Variants in TPD52 observed in about 807,000 individuals in gnomAD.
TPD52 encodes the protein tumor protein D52.
TPD52 carries 17 observed loss-of-function variants against 31.3 expected under a neutral mutation model. The observed-to-expected ratio is 0.54, with a 90% CI of 0.37 to 0.82. TPD52 has a LOEUF of 0.82. Among genes scored for constraint, TPD52 ranks in the 40% least tolerant of loss-of-function variants. The pLI is 0.00. For synonymous variants in TPD52, 83 were observed against 89.6 expected, an observed-to-expected ratio of 0.93 and a Z score of 0.42; for missense variants, 212 against 240.1, an observed-to-expected ratio of 0.88 and a Z score of 0.77.
chr8:80,102,582 A>C (rs1426100521), intron 1 of TPD52, among the ~76,000 whole-genome samples: 1 of 152,178 alleles, frequency 6.6e-6, no homozygotes, highest in East Asian at 1.9e-4. Flanking sequence ...CAAATAGAAA[A>C]GGCCTTTTAG....
At chr8:80,072,881 T>C (rs1814089251) in intron 1 of TPD52, among the ~76,000 whole-genome samples, 1 of 151,588 alleles carries the variant, frequency 6.6e-6, no homozygotes, top group East Asian at 1.9e-4. Context: ...GGCAGGTGGA[T>C]CACTTGAAGC....
chr8:80,142,716 A>G (rs529140840), intron 1 of TPD52, among the ~76,000 whole-genome samples: 3 of 152,286 alleles, frequency 2.0e-5, no homozygotes, highest in Non-Finnish European at 2.9e-5. Context: ...AGAAAGCACA[A>G]TCAGACTGGT....
chr8:80,054,485 A>C (rs900520686), intron 2 of TPD52, among the ~76,000 whole-genome samples: 3 of 152,120 alleles, frequency 2.0e-5, no homozygotes, highest in African/African-American at 7.2e-5. Context: ...AGGAAATTGA[A>C]AATCTAGGTC....
At chr8:80,091,368 C>T in intron 1 of TPD52, among the ~76,000 whole-genome samples, 1 of 151,528 alleles carries the variant, frequency 6.6e-6, no homozygotes, top group East Asian at 1.9e-4. Context: ...ACTTGGGAGG[C>T]TGAGGCAGGA....
chr8:80,162,065 A>G (rs1211066107), intron 1 of TPD52, among the ~76,000 whole-genome samples: 2 of 152,152 alleles, frequency 1.3e-5, no homozygotes, highest in Non-Finnish European at 2.9e-5. Flanking sequence ...ACATTTGTAT[A>G]GCTGTAACAT....
At chr8:80,168,162 T>C (rs1343624654) in intron 1 of TPD52, among the ~76,000 whole-genome samples, 1 of 152,176 alleles carries the variant, frequency 6.6e-6, no homozygotes, top group Non-Finnish European at 1.5e-5. Flanking sequence ...AAGCCCTAGG[T>C]ATGAGAGAAA....
chr8:80,054,333 G>A (rs780619912), intron 2 of TPD52, among the ~76,000 whole-genome samples: 7 of 151,932 alleles, frequency 4.6e-5, no homozygotes, highest in Non-Finnish European at 8.8e-5. Flanking sequence ...ATGAAGAAAA[G>A]GAAAAAATGG....
At chr8:80,099,755 C>T (rs576410933) in intron 1 of TPD52, among the ~76,000 whole-genome samples, 1 of 152,186 alleles carries the variant, frequency 6.6e-6, no homozygotes, top group African/African-American at 2.4e-5. Context: ...AAGTGATCCA[C>T]CCACCTCAGC....
chr8:80,119,934 C>G (rs1297995851), intron 1 of TPD52: 2 of 334,066 alleles, frequency 6.0e-6, no homozygotes, highest in Non-Finnish European at 1.2e-5. Context: ...GTTAGAAAAA[C>G]TACAGGACAT....
intron 1 of TPD52, chr8:80,158,377 A>C (rs117995488): frequency 0.028 from 4,330 of 152,136 alleles, 125 homozygotes; most frequent in Admixed American, 0.062. Context: ...AATGGGGGTG[A>C]GGGAGATGCA....
intron 1 of TPD52, among the ~76,000 whole-genome samples, chr8:80,137,942 C>CT (rs568826691): frequency 0.017 from 2,496 of 148,642 alleles, 42 homozygotes; most frequent in South Asian, 0.05. Context: ...CGTCTCTTTT[C>CT]TTTTTTTTTT....
intron 1 of TPD52, among the ~76,000 whole-genome samples, chr8:80,159,174 T>C (rs1811191130): frequency 6.6e-6 from 1 of 152,150 alleles, no homozygotes; most frequent in Admixed American, 6.6e-5. Flanking sequence ...AGTAACAGAT[T>C]TGTACCTAAT....
chr8:80,060,077 T>C, intron 2 of TPD52, among the ~76,000 whole-genome samples: 1 of 133,664 alleles, frequency 7.5e-6, no homozygotes, highest in Non-Finnish European at 1.5e-5. Flanking sequence ...AGAGCAAGAC[T>C]CCATCTCAAA....
intron 1 of TPD52, among the ~76,000 whole-genome samples, chr8:80,116,393 G>T (rs1807864802): frequency 6.6e-6 from 1 of 152,192 alleles, no homozygotes; most frequent in Non-Finnish European, 1.5e-5. Flanking sequence ...TGTGCCAACA[G>T]ATTGGTTAGC....
At chr8:80,032,876 T>C (rs1444355860), downstream of TPD52, 1 of 152,338 alleles carries the variant, frequency 6.6e-6, no homozygotes, top group Non-Finnish European at 1.5e-5. Flanking sequence ...GTTTTGCTCA[T>C]GCCTGCTGGG....
At chr8:80,145,132 G>C in intron 1 of TPD52, among the ~76,000 whole-genome samples, 1 of 152,178 alleles carries the variant, frequency 6.6e-6, no homozygotes. Context: ...TTGCCACTTA[G>C]TAGAGTATTT....
At chr8:80,132,172 GGTAGCACCT>G (rs1480110864) in intron 1 of TPD52, among the ~76,000 whole-genome samples, 1 of 151,908 alleles carries the variant, frequency 6.6e-6, no homozygotes, top group Non-Finnish European at 1.5e-5. Context: ...TGGGACTACA[GGTAGCACCT>G]GTAGCACCTG....
intron 1 of TPD52, among the ~76,000 whole-genome samples, chr8:80,086,089 C>T (rs1223316374): frequency 1.7e-5 from 2 of 120,688 alleles, no homozygotes; most frequent in Non-Finnish European, 1.8e-5. Context: ...GTTGTTGCTT[C>T]GGGTTTTTTT....
intron 1 of TPD52, chr8:80,127,488 A>G (rs1317061799): frequency 6.6e-6 from 1 of 152,218 alleles, no homozygotes; most frequent in Admixed American, 6.5e-5. Flanking sequence ...TCAAAAGGTA[A>G]AGATGGCAGC....
Sources: allele counts gnomAD v4.1 joint callset (sites outside exome capture counted in the v4.1 genomes callset), GRCh38; gene constraint gnomAD v4.1.1; transcripts MANE v1.5; gene names NCBI Gene and HGNC (gene_info 2026-07-23, HGNC 2026-07-21).